The following CRADD variants were observed in gnomAD, a reference collection of about 807,000 sequenced individuals.
The protein encoded by CRADD is CARD and death domain containing adaptor protein.
Under a neutral mutation model 15.5 loss-of-function variants are expected in CRADD, and 9 were observed. The ratio of observed to expected loss-of-function variants is 0.58; its 90% CI spans 0.35 to 1.01. CRADD has a LOEUF of 1.01. Ranked by LOEUF, CRADD falls within the 50% of genes least tolerant of loss-of-function variation. The pLI, the probability that CRADD is intolerant of heterozygous loss-of-function variation, is 0.02. For synonymous variants in CRADD, 118 were observed against 107.6 expected (o/e 1.10, Z -0.60); for missense variants, 227 against 250.3 (o/e 0.91, Z 0.63).
Position 93,847,801 on chromosome 12 carries a change from A to G in CRADD, c.299-2169A>G, listed in dbSNP as rs543879190. On this transcript the variant is annotated intron_variant, in intron 2 of 2. Coordinates refer to ENST00000332896, the MANE Select transcript of CRADD (RefSeq NM_003805.5). ...GAGAGGAAATGTAAAGTAATTATAGAGTATTTCTATAAAAACATGCAGTTA... is the reference window on the plus strand; with the variant it reads ...GAGAGGAAATGTAAAGTAATTATAGGGTATTTCTATAAAAACATGCAGTTA... Among the ~76,000 whole-genome samples, 12 of 152,358 alleles carry G rather than the reference A, an allele frequency of 7.9e-5. No individual in the cohort carries two copies. In the South Asian group the frequency reaches 2.5e-3, roughly 32 times the overall value.
intron 2 of CRADD, among the ~76,000 whole-genome samples, chr12:93,755,070 G>A (rs1041072697): frequency 2.6e-5 from 4 of 152,142 alleles, no homozygotes; most frequent in African/African-American, 9.7e-5. Context: ...TTACAGGGTG[G>A]CAGGCAAGAG....
At chr12:93,768,335 A>G (rs1340464787) in intron 2 of CRADD, among the ~76,000 whole-genome samples, 2 of 152,246 alleles carry the variant, frequency 1.3e-5, no homozygotes, top group African/African-American at 2.4e-5. Flanking sequence ...GTGTATTTAA[A>G]TTTTTGTTTC....
At chr12:93,855,694 A>C (rs549083888), downstream of CRADD, among the ~76,000 whole-genome samples, 167 of 152,366 alleles carry the variant, frequency 1.1e-3, no homozygotes, top group Non-Finnish European at 2.0e-3. Context: ...AACAAATAAC[A>C]GTACCCACCT....
chr12:93,735,476 T>C (rs1253738318), intron 2 of CRADD: 1 of 152,216 alleles, frequency 6.6e-6, no homozygotes, highest in Non-Finnish European at 1.5e-5. Context: ...CCAGAACTTA[T>C]TTATGTTTAT....
chr12:93,860,732 C>A (rs1384187778), intron 2 of CRADD, among the ~76,000 whole-genome samples: 1 of 152,160 alleles, frequency 6.6e-6, no homozygotes, highest in East Asian at 1.9e-4. Context: ...ACATGAGTCA[C>A]CTTCAGCACC....
intron 2 of CRADD, among the ~76,000 whole-genome samples, chr12:93,828,193 A>G (rs1957847643): frequency 6.6e-6 from 1 of 152,196 alleles, no homozygotes; most frequent in Non-Finnish European, 1.5e-5. Context: ...TTATTTGTAT[A>G]TATATATGTA....
intron 2 of CRADD, among the ~76,000 whole-genome samples, chr12:93,681,391 G>C (rs78755875): frequency 0.012 from 1,797 of 152,216 alleles, 32 homozygotes; most frequent in African/African-American, 0.041. Context: ...TGTTAATTCT[G>C]TAGAAGGTTG....
rs190141636 is a variant in CRADD at position 93,784,713 on chromosome 12, G to C, written c.299-65257G>C. ...CTGGCCGAGTTGATATTAGAACACAGAGTCCCAGAGTGATTTACTGTCCAG... is the reference window on the plus strand; with the variant it reads ...CTGGCCGAGTTGATATTAGAACACACAGTCCCAGAGTGATTTACTGTCCAG... On this transcript the variant is annotated intron_variant, in intron 2 of 2. Coordinates refer to ENST00000332896, the MANE Select transcript of CRADD (RefSeq NM_003805.5). Among the ~76,000 whole-genome samples, 362 of 152,230 alleles carry C rather than the reference G, an allele frequency of 2.4e-3. 2 individuals are homozygous for C. The highest frequency in any genetic ancestry group is 7.2e-3 in the African/African-American group (300 of 41,562).
intron 2 of CRADD, among the ~76,000 whole-genome samples, chr12:93,764,755 G>C (rs951862230): frequency 6.6e-6 from 1 of 151,564 alleles, no homozygotes; most frequent in Admixed American, 6.6e-5. Flanking sequence ...TGTCTACAGG[G>C]AGTGGAATTA....
At chr12:93,759,285 G>GA (rs1956923758) in intron 2 of CRADD, among the ~76,000 whole-genome samples, 2 of 151,780 alleles carry the variant, frequency 1.3e-5, no homozygotes, top group Admixed American at 6.6e-5. Context: ...CATGAGAGGA[G>GA]AAAAAAATCT....
chr12:93,724,827 C>T lies in CRADD; in HGVS notation c.298+45755C>T, dbSNP rs77968935. Among the ~76,000 whole-genome samples, 6 of 151,822 alleles carry T rather than the reference C, an allele frequency of 4.0e-5. No individual in the cohort carries two copies. The East Asian group carries it at 9.7e-4, about 24-fold the overall frequency. ...TTGAGCAGAAGATTGTGACATATAT[C>T]TGTAAAGAACAGACTTATTATTATT... is the stretch of plus-strand genomic sequence containing the variant. On this transcript the variant is annotated intron_variant, in intron 2 of 2. Transcript: ENST00000332896.
chr12:93,770,664 A>G (rs1957077794), intron 2 of CRADD, among the ~76,000 whole-genome samples: 1 of 152,176 alleles, frequency 6.6e-6, no homozygotes, highest in Admixed American at 6.5e-5. Context: ...CCACTGGTGT[A>G]TTTCCCTTGA....
chr12:93,755,205 A>C (rs1219738439), intron 2 of CRADD, among the ~76,000 whole-genome samples: 4 of 152,156 alleles, frequency 2.6e-5, no homozygotes, highest in Admixed American at 2.0e-4. Flanking sequence ...GGTCCCTCCC[A>C]TGACATGTGG....
chr12:93,719,686 A>G (rs1456976302), intron 2 of CRADD, among the ~76,000 whole-genome samples: 2 of 152,168 alleles, frequency 1.3e-5, no homozygotes, highest in Non-Finnish European at 2.9e-5. Context: ...GTGTTTTTCA[A>G]TGAATTGTTC....
Position 93,754,963 on chromosome 12 carries a change from A to G in CRADD, c.298+75891A>G, listed in dbSNP as rs112295058. Among the ~76,000 whole-genome samples, 317 of 151,926 alleles carry G rather than the reference A, an allele frequency of 2.1e-3. 2 individuals are homozygous for G. Among genetic ancestry groups the G allele is most frequent in the African/African-American group, 6.4e-3 (264 of 41,386 alleles). The stretch of plus-strand genomic sequence containing the variant: ...AGAAATACTTGAGACTGGGTAATTC[A>G]TTAAAAAAAAAAAAGGGTTTAGTGG... On this transcript the variant is annotated intron_variant, in intron 2 of 2. Transcript: ENST00000332896.
chr12:93,686,914 A>AT (rs200107901), intron 2 of CRADD, among the ~76,000 whole-genome samples: 9,128 of 140,612 alleles, frequency 0.065, 442 homozygotes, highest in African/African-American at 0.14. Context: ...GTACTAATGC[A>AT]TTTTTTTTTT....
intron 2 of CRADD, among the ~76,000 whole-genome samples, chr12:93,880,846 T>G (rs1958494000): frequency 1.3e-5 from 2 of 152,228 alleles, no homozygotes; most frequent in Non-Finnish European, 2.9e-5. Flanking sequence ...CTAGTTGACC[T>G]TTGTTGATAA....
chr12:93,785,088 C>CT lies in CRADD; in HGVS notation c.299-64872dup, dbSNP rs1024639480. Reference sequence around the variant, plus strand: ...GGAATAAGTACAATGTTGTGTTTTGCTTTTTTTTTTAAAATAGGAACTATG... The same window carrying CT: ...GGAATAAGTACAATGTTGTGTTTTGCTTTTTTTTTTTAAAATAGGAACTATG... On this transcript the variant is annotated intron_variant, in intron 2 of 2. Coordinates refer to ENST00000332896, the MANE Select transcript of CRADD (RefSeq NM_003805.5). Among the ~76,000 whole-genome samples, 403 of 148,812 alleles carry CT rather than the reference C, an allele frequency of 2.7e-3. 3 individuals carry two copies. Among genetic ancestry groups the CT allele is most frequent in the African/African-American group, 8.4e-3 (340 of 40,624 alleles).
chr12:93,791,626 TTAA>T (rs1206554727), intron 2 of CRADD, among the ~76,000 whole-genome samples: 2 of 152,068 alleles, frequency 1.3e-5, no homozygotes, highest in Non-Finnish European at 2.9e-5. Context: ...ACTGTAGTAG[TTAA>T]TAATAATGTT....
Sources: gnomAD v4.1 joint callset for allele counts (sites outside exome capture counted in the v4.1 genomes callset) on GRCh38, gnomAD v4.1.1 for gene constraint, MANE v1.5 for transcripts, NCBI Gene and HGNC (gene_info 2026-07-23, HGNC 2026-07-21) for gene names.